Variants in SUGCT observed in about 807,000 individuals in gnomAD.
SUGCT encodes the protein succinyl-CoA:glutarate CoA-transferase.
A neutral mutation model predicts 55.0 loss-of-function variants in SUGCT; 41 were observed. The ratio of observed to expected loss-of-function variants is 0.74; its 90% CI spans 0.58 to 0.97. SUGCT has a LOEUF of 0.97. Among genes scored for constraint, SUGCT ranks in the 50% least tolerant of loss-of-function variants. The pLI is 0.00. For missense variants in SUGCT, 568 were observed against 547.8 expected, an observed-to-expected ratio of 1.04 and a Z score of -0.37; for synonymous variants, 187 against 200.4, an observed-to-expected ratio of 0.93 and a Z score of 0.56.
rs181775601 is a variant in SUGCT at position 40,136,367 on chromosome 7, G to A, written c.100+1247G>A. ...AGCCTAACGGGTAGCCTGGACCTGTGATTTCCATTCACCCTCTTGTAGCTG... is the reference window on the plus strand; with the variant it reads ...AGCCTAACGGGTAGCCTGGACCTGTAATTTCCATTCACCCTCTTGTAGCTG... On this transcript the variant is annotated intron_variant, in intron 1 of 13. Transcript: ENST00000335693. 2.1e-3 allele frequency among the ~76,000 whole-genome samples: 317 copies of A among 152,284 alleles called. 1 individual carries two copies. The highest frequency in any genetic ancestry group is 7.2e-3 in the African/African-American group (301 of 41,560).
the SUGCT span, among the ~76,000 whole-genome samples, chr7:40,970,321 G>A: frequency 5.2e-3 from 790 of 152,166 alleles, 4 homozygotes; most frequent in Non-Finnish European, 8.3e-3. Flanking sequence ...ACAGGCACTC[G>A]CCACCATGCC....
chr7:40,221,143 C>A (rs1316676076), intron 6 of SUGCT, among the ~76,000 whole-genome samples: 1 of 151,936 alleles, frequency 6.6e-6, no homozygotes, highest in African/African-American at 2.4e-5. Flanking sequence ...TATCAGAAAT[C>A]TAATTATAGC....
At chr7:40,960,434 CCCATTAGTG>C in the SUGCT span, among the ~76,000 whole-genome samples, 1 of 152,120 alleles carries the variant, frequency 6.6e-6, no homozygotes, top group African/African-American at 2.4e-5. Flanking sequence ...TGAGAAGAGT[CCCATTAGTG>C]CCATTAGAAG....
chr7:40,174,005 A>T (rs1479209347), intron 1 of SUGCT, among the ~76,000 whole-genome samples: 1 of 149,924 alleles, frequency 6.7e-6, no homozygotes, highest in East Asian at 2.0e-4. Context: ...CAGTGGTGTG[A>T]TCATGGCTCA....
chr7:40,327,591 G>T (rs1356337153), intron 9 of SUGCT, among the ~76,000 whole-genome samples: 4 of 152,230 alleles, frequency 2.6e-5, no homozygotes, highest in Non-Finnish European at 5.9e-5. Flanking sequence ...AATGTGTTTC[G>T]CTAAGAGGTA....
chr7:40,202,566 GA>G (rs981060967), intron 6 of SUGCT, among the ~76,000 whole-genome samples: 18 of 152,070 alleles, frequency 1.2e-4, no homozygotes, highest in Admixed American at 1.2e-3. Context: ...GTTTTTTTCA[GA>G]ATCAGGCCCT....
chr7:40,170,319 A>T (rs185482187), intron 1 of SUGCT, among the ~76,000 whole-genome samples: 48 of 152,346 alleles, frequency 3.2e-4, no homozygotes, highest in African/African-American at 1.1e-3. Flanking sequence ...TCTCCATGTC[A>T]GATCAAAGGA....
intron 9 of SUGCT, among the ~76,000 whole-genome samples, chr7:40,359,999 C>G (rs1027603647): frequency 2.0e-5 from 3 of 152,098 alleles, no homozygotes; most frequent in Non-Finnish European, 2.9e-5. Context: ...GCCCATGAGT[C>G]TGCTGTGCAT....
intron 9 of SUGCT, among the ~76,000 whole-genome samples, chr7:40,336,765 C>T (rs1377234508): frequency 2.0e-5 from 3 of 152,090 alleles, no homozygotes; most frequent in Non-Finnish European, 4.4e-5. Flanking sequence ...CTGCTCTGAT[C>T]TTAGTTATTT....
At chr7:40,840,252 A>C (rs1793206371) in intron 13 of SUGCT, among the ~76,000 whole-genome samples, 1 of 152,126 alleles carries the variant, frequency 6.6e-6, no homozygotes, top group Non-Finnish European at 1.5e-5. Context: ...TCATTATGTG[A>C]ATAATAATCC....
intron 5 of SUGCT, among the ~76,000 whole-genome samples, chr7:40,191,431 G>A (rs1785902499): frequency 6.6e-6 from 1 of 152,062 alleles, no homozygotes. Flanking sequence ...TCAGAATCAG[G>A]GACCATTCTT....
At chr7:40,540,224 T>C (rs891231715) in intron 12 of SUGCT, among the ~76,000 whole-genome samples, 2 of 152,246 alleles carry the variant, frequency 1.3e-5, no homozygotes, top group Non-Finnish European at 2.9e-5. Flanking sequence ...CTTGATAATA[T>C]GGAATAGGGT....
chr7:40,752,285 T>A (rs59480061), intron 13 of SUGCT, among the ~76,000 whole-genome samples: 2,288 of 152,268 alleles, frequency 0.015, 72 homozygotes, highest in African/African-American at 0.053. Flanking sequence ...ACCACAGTGC[T>A]ATGTAAGATG....
chr7:40,265,719 T>C (rs1489298211), intron 7 of SUGCT, among the ~76,000 whole-genome samples: 8 of 152,096 alleles, frequency 5.3e-5, no homozygotes, highest in African/African-American at 1.7e-4. Flanking sequence ...CTTTGGGATG[T>C]TGAGACAGGC....
At chr7:40,639,944 G>A (rs1275869230) in intron 12 of SUGCT, among the ~76,000 whole-genome samples, 1 of 152,022 alleles carries the variant, frequency 6.6e-6, no homozygotes, top group Non-Finnish European at 1.5e-5. Context: ...ATCTTTCTCT[G>A]TCTCTTGCTT....
At chr7:40,210,924 G>A (rs564980389) in intron 6 of SUGCT, among the ~76,000 whole-genome samples, 1 of 152,232 alleles carries the variant, frequency 6.6e-6, no homozygotes, top group East Asian at 1.9e-4. Flanking sequence ...GTTGCTTTAC[G>A]AGGAAGTTTA....
chr7:40,194,887 C>T (rs1005607282), intron 5 of SUGCT, 53 bp from the exon 6 acceptor site: 2 of 1,567,162 alleles, frequency 1.3e-6, no homozygotes, highest in African/African-American at 1.4e-5. Context: ...AAAATTCTAT[C>T]ATGTGGGGAT....
At chr7:40,391,312 A>G (rs1384363369) in intron 9 of SUGCT, among the ~76,000 whole-genome samples, 5 of 152,230 alleles carry the variant, frequency 3.3e-5, no homozygotes, top group Non-Finnish European at 7.3e-5. Flanking sequence ...GAGCTTCTGC[A>G]CAGCAAAAGA....
At chr7:40,721,846 A>C (rs1184405517) in intron 12 of SUGCT, among the ~76,000 whole-genome samples, 2 of 152,196 alleles carry the variant, frequency 1.3e-5, no homozygotes, top group Non-Finnish European at 2.9e-5. Context: ...GGTAGCTTTG[A>C]AACTTCATTT....
Sources: gnomAD v4.1 joint callset for allele counts (sites outside exome capture counted in the v4.1 genomes callset) on GRCh38, gnomAD v4.1.1 for gene constraint, MANE v1.5 for transcripts, NCBI Gene and HGNC (gene_info 2026-07-23, HGNC 2026-07-21) for gene names.